The following ADGRG6 variants were observed in gnomAD, a reference collection of about 807,000 sequenced individuals.
ADGRG6 encodes the protein G-protein coupled receptor 126.
ADGRG6 carries 84 observed loss-of-function variants against 142.4 expected under a neutral mutation model. The observed-to-expected ratio is 0.59, with a 90% CI of 0.49 to 0.71. The LOEUF is 0.71. ADGRG6 is among the 30% of genes least tolerant of loss of function. The probability of loss-of-function intolerance (pLI) is 0.00; values close to 1 mark genes in which losing one functional copy is unlikely to be tolerated. For missense variants in ADGRG6, 1,367 were observed against 1,466.6 expected (o/e 0.93, Z 1.11); for synonymous variants, 521 against 520.5 (o/e 1.00, Z -0.01).
chr6:142,424,733 T>A (rs1053359646), intron 22 of ADGRG6, among the ~76,000 whole-genome samples: 1 of 152,126 alleles, frequency 6.6e-6, no homozygotes, highest in African/African-American at 2.4e-5. Context: ...TTGGAATAAT[T>A]TTTTCTCTTT....
rs537536307 is a variant in ADGRG6 at position 142,370,644 on chromosome 6, T to C, written c.920T>C (p.Ile307Thr). 1 of 1,613,764 alleles carries C rather than the reference T, an allele frequency of 6.2e-7. No individual in the cohort carries two copies. The highest frequency in any genetic ancestry group is 2.2e-5 in the East Asian group (1 of 44,860). The stretch of plus-strand genomic sequence containing the variant: ...GAAATTGTCTCTCTAAAAGGGGACA[T>C]TTATAACTTTCGACTTTGGAATTTT... ...QNEIVSLKGD[I>T]YNFRLWNFTM... The change falls in exon 4 of 25, where the codon ATT (isoleucine) becomes ACT (threonine). Residue 307 changes from isoleucine to threonine, a missense_variant. Around this residue, in one of 3 missense-constraint regions of ADGRG6, gnomAD observed 737 missense variants for 746.5 expected, o/e 0.99. Coordinates refer to ENST00000367609, the MANE Select transcript of ADGRG6 (RefSeq NM_198569.3).
intron 5 of ADGRG6, among the ~76,000 whole-genome samples, chr6:142,382,419 T>A (rs1781813592): frequency 6.6e-6 from 1 of 152,192 alleles, no homozygotes; most frequent in South Asian, 2.1e-4. Flanking sequence ...ATTTGACTAT[T>A]CAGTTAACTT....
At chr6:142,399,458 G>A (rs543878618) in intron 10 of ADGRG6, among the ~76,000 whole-genome samples, 14 of 152,256 alleles carry the variant, frequency 9.2e-5, no homozygotes, top group Non-Finnish European at 2.1e-4. Context: ...ACCCTTTCAC[G>A]TATAGGAGTC....
At chr6:142,420,202 C>T in intron 22 of ADGRG6, 98 bp downstream of exon 22, 1 of 928,156 alleles carries the variant, frequency 1.1e-6, no homozygotes, top group Admixed American at 2.2e-5. Flanking sequence ...GTTTCTGTGT[C>T]ACTATTTCAA....
chr6:142,303,767 A>T (rs1195154372), intron 1 of ADGRG6, among the ~76,000 whole-genome samples: 2 of 152,210 alleles, frequency 1.3e-5, no homozygotes, highest in African/African-American at 4.8e-5. Flanking sequence ...TCTTATGAGA[A>T]AAAAAGCATA....
chr6:142,439,149 C>CA (rs990641559), intron 24 of ADGRG6, among the ~76,000 whole-genome samples: 1 of 151,612 alleles, frequency 6.6e-6, no homozygotes, highest in East Asian at 1.9e-4. Context: ...GACCCCATCT[C>CA]AAAAAAATAG....
chr6:142,380,236 ATGT>A (rs1354200606), intron 4 of ADGRG6, among the ~76,000 whole-genome samples: 1 of 152,084 alleles, frequency 6.6e-6, no homozygotes, highest in Admixed American at 6.5e-5. Context: ...GTCTATGTTG[ATGT>A]TAATGCTGGA....
chr6:142,379,676 A>G (rs1312852544), intron 4 of ADGRG6, among the ~76,000 whole-genome samples: 1 of 152,182 alleles, frequency 6.6e-6, no homozygotes, highest in Non-Finnish European at 1.5e-5. Context: ...CTGAGGCAGG[A>G]GAATGGCGGG....
In ADGRG6 at chr6:142,368,203, C is replaced by G. The variant is rs138239204; in HGVS notation, c.445+293C>G. ...ATATTCCACGGCTAATAATTAAAAT[C>G]TATAATTCTAACATCTCTCCACTGA... On this transcript the variant is annotated intron_variant, in intron 3 of 24. Transcript: ENST00000367609. Among the ~76,000 whole-genome samples the G allele has an allele frequency of 1.4e-4, 21 of 152,290 alleles. No homozygotes were observed. In the East Asian group the frequency reaches 3.5e-3, roughly 25 times the overall value.
chr6:142,349,691 G>A (rs1780069585), intron 2 of ADGRG6, among the ~76,000 whole-genome samples: 1 of 152,134 alleles, frequency 6.6e-6, no homozygotes, highest in African/African-American at 2.4e-5. Flanking sequence ...GTCACTCTAT[G>A]TAGGGTTTCA....
At position 142,445,637 on chromosome 6, in the gene ADGRG6, T is replaced by C. The variant is rs1431603685; in HGVS notation, c.*2122T>C. 6.6e-6 allele frequency: 1 copy of C among 152,120 alleles called. No homozygotes were observed. Among genetic ancestry groups the C allele is most frequent in the Non-Finnish European group, 1.5e-5 (1 of 68,020 alleles). 9.4% of individuals were successfully genotyped at this position (152,120 alleles called of 1,614,324 possible). A position where few individuals can be genotyped will look rare whatever the true frequency, so the allele number is the denominator to read the frequency against. On this transcript the variant is annotated 3_prime_UTR_variant, in exon 25 of 25. Coordinates refer to ENST00000367609, the MANE Select transcript of ADGRG6 (RefSeq NM_198569.3). The stretch of plus-strand genomic sequence containing the variant: ...TTTCAATAACCAGATGAGAAAAAAA[T>C]TAAGAAATTGCTCAAGGGAAACATT...
chr6:142,338,013 C>CTTTTTTTTTTTTT (rs1779405902), intron 2 of ADGRG6, among the ~76,000 whole-genome samples: 3 of 26,044 alleles, frequency 1.2e-4, no homozygotes, highest in South Asian at 1.2e-3. Flanking sequence ...TGCCTTGTAT[C>CTTTTTTTTTTTTT]TTTGTTTTTT....
chr6:142,419,911 G>A lies in ADGRG6; in HGVS notation c.3126G>A (p.Val1042=). The A allele has an allele frequency of 6.2e-7, 1 of 1,613,170 alleles. No homozygotes were observed. Among genetic ancestry groups the A allele is most frequent in the Non-Finnish European group, 8.5e-7 (1 of 1,179,364 alleles). Residue 1042 remains valine (V), a synonymous_variant, in exon 22 of 25, where the codon GTG becomes GTA. Coordinates refer to ENST00000367609, the MANE Select transcript of ADGRG6 (RefSeq NM_198569.3). Reference sequence around the variant, plus strand: ...TTCTGAACATTGCCATGTTCATTGTGGTAATGGTGCAGATCTGTGGGAGGA... The same window carrying A: ...TTCTGAACATTGCCATGTTCATTGTAGTAATGGTGCAGATCTGTGGGAGGA... The part of the protein sequence containing the change: ...MFFLNIAMFI[V]VMVQICGRNG...
Position 142,419,808 on chromosome 6 carries a change from C to G in ADGRG6, c.3036-13C>G, listed in dbSNP as rs763094348. On this transcript the variant is annotated splice_polypyrimidine_tract_variant and intron_variant, in intron 21 of 24. Transcript: ENST00000367609. The stretch of plus-strand genomic sequence containing the variant: ...ATAAATCTTTTTTTCTTTCTCATTT[C>G]TTCTTTTTTAAGCTGTTGGATTCAA... 7.0e-6 allele frequency: 11 copies of G among 1,579,816 alleles called. No individual in the cohort carries two copies. Among genetic ancestry groups the G allele is most frequent in the Non-Finnish European group, 9.5e-6 (11 of 1,161,294 alleles).
chr6:142,320,500 A>G (rs1220420921), intron 2 of ADGRG6, among the ~76,000 whole-genome samples: 3 of 152,102 alleles, frequency 2.0e-5, no homozygotes, highest in Non-Finnish European at 4.4e-5. Flanking sequence ...TGACTCTGAA[A>G]TGAAATTTTG....
chr6:142,430,012 C>T (rs1777133094), intron 22 of ADGRG6, among the ~76,000 whole-genome samples: 2 of 152,124 alleles, frequency 1.3e-5, no homozygotes, highest in Non-Finnish European at 2.9e-5. Context: ...AATCATGTTA[C>T]TGCACTCCAG....
At chr6:142,310,911 A>T (rs935052969) in intron 2 of ADGRG6, among the ~76,000 whole-genome samples, 1 of 152,028 alleles carries the variant, frequency 6.6e-6, no homozygotes, top group Admixed American at 6.6e-5. Flanking sequence ...ACATGATATG[A>T]GATAAATTAT....
intron 18 of ADGRG6, among the ~76,000 whole-genome samples, chr6:142,411,913 TG>T (rs1776109058): frequency 6.6e-6 from 1 of 152,158 alleles, no homozygotes; most frequent in Non-Finnish European, 1.5e-5. Flanking sequence ...GATTGCAGTT[TG>T]TTAGGACAGA....
chr6:142,423,525 C>G (rs1259998942), intron 22 of ADGRG6, among the ~76,000 whole-genome samples: 1 of 150,324 alleles, frequency 6.7e-6, no homozygotes, highest in African/African-American at 2.4e-5. Context: ...TTCCATTGAT[C>G]TAGATCTCTG....
Sources: allele counts gnomAD v4.1 joint callset (sites outside exome capture counted in the v4.1 genomes callset), GRCh38; gene constraint gnomAD v4.1.1; regional missense constraint gnomAD v4.1.1; transcripts MANE v1.5; gene names NCBI Gene and HGNC (gene_info 2026-07-23, HGNC 2026-07-21).